EXOC6B: variants seen among roughly 807,000 people sequenced by gnomAD.
EXOC6B encodes SEC15 homolog B.
EXOC6B carries 54 observed loss-of-function variants against 113.5 expected under a neutral mutation model. The observed-to-expected ratio is 0.48, with a 90% CI of 0.38 to 0.60. The LOEUF (loss-of-function observed/expected upper bound fraction) is 0.60. Ranked by LOEUF, EXOC6B falls within the 20% of genes least tolerant of loss-of-function variation. EXOC6B has a pLI of 0.00. For synonymous variants in EXOC6B, 357 were observed against 339.0 expected, an observed-to-expected ratio of 1.05 and a Z score of -0.58; for missense variants, 797 against 977.5, an observed-to-expected ratio of 0.82 and a Z score of 2.46.
intron 18 of EXOC6B, among the ~76,000 whole-genome samples, chr2:72,442,269 T>A (rs968899934): frequency 2.0e-5 from 3 of 152,220 alleles, no homozygotes; most frequent in African/African-American, 7.2e-5. Context: ...ATAAGACCCA[T>A]GTACGACAAA....
intron 20 of EXOC6B, among the ~76,000 whole-genome samples, chr2:72,249,776 GA>G (rs1682892262): frequency 6.6e-6 from 1 of 152,070 alleles, no homozygotes; most frequent in African/African-American, 2.4e-5. Flanking sequence ...AATGGTACAG[GA>G]AAAAAATTAT....
At chr2:72,808,000 G>A (rs530502797) in intron 1 of EXOC6B, among the ~76,000 whole-genome samples, 5 of 152,258 alleles carry the variant, frequency 3.3e-5, no homozygotes, top group African/African-American at 1.2e-4. Flanking sequence ...TGAGGGGATG[G>A]ATACCCCATT....
At chr2:72,793,699 A>T (rs2105047546) in intron 1 of EXOC6B, among the ~76,000 whole-genome samples, 1 of 152,310 alleles carries the variant, frequency 6.6e-6, no homozygotes, top group Admixed American at 6.5e-5. Flanking sequence ...CGAGGTACAT[A>T]GGTGTAAGAG....
At chr2:72,539,272 G>T (rs1702463381) in intron 8 of EXOC6B, among the ~76,000 whole-genome samples, 1 of 152,174 alleles carries the variant, frequency 6.6e-6, no homozygotes, top group Non-Finnish European at 1.5e-5. Context: ...ACGATGACAA[G>T]ACCTTTGTGA....
chr2:72,513,210 G>C lies in EXOC6B; in HGVS notation c.1089C>G (p.Gly363=). The C allele has an allele frequency of 1.9e-6, 3 of 1,613,234 alleles. No homozygotes were observed. The highest frequency in any genetic ancestry group is 1.7e-6 in the Non-Finnish European group (2 of 1,179,376). ...CATCAATGTAGGCTCTATTTACTAA[G>C]CCCTGGGTTGTATGTAAAATGTGAT... The part of the protein sequence containing the change: ...VEDHILHTTQ[G]LVNRAYIDEL... The change falls in exon 11 of 22, where the codon GGC becomes GGG. Residue 363 remains glycine, a synonymous_variant. Coordinates refer to ENST00000272427, the MANE Select transcript of EXOC6B (RefSeq NM_015189.3).
intron 8 of EXOC6B, among the ~76,000 whole-genome samples, chr2:72,556,564 C>G (rs1052868380): frequency 2.0e-5 from 3 of 152,116 alleles, no homozygotes; most frequent in African/African-American, 4.8e-5. Flanking sequence ...CTTGATGGAG[C>G]TTCTGTTGAA....
chr2:72,555,041 T>G (rs891131630), intron 8 of EXOC6B, among the ~76,000 whole-genome samples: 1 of 152,222 alleles, frequency 6.6e-6, no homozygotes, highest in Admixed American at 6.5e-5. Flanking sequence ...TTGCTTAGAA[T>G]GACAGTTTCC....
intron 8 of EXOC6B, among the ~76,000 whole-genome samples, chr2:72,525,327 T>C (rs1024718283): frequency 3.0e-5 from 3 of 100,078 alleles, no homozygotes; most frequent in African/African-American, 7.4e-5. Flanking sequence ...CATTACCAAT[T>C]ACAACCAATA....
intron 1 of EXOC6B, among the ~76,000 whole-genome samples, chr2:72,783,273 T>C (rs555573730): frequency 6.6e-6 from 1 of 150,534 alleles, no homozygotes; most frequent in Non-Finnish European, 1.5e-5. Flanking sequence ...TGATTAGTGG[T>C]GTTGAGCATT....
chr2:72,782,528 G>A (rs1341129538), intron 1 of EXOC6B, among the ~76,000 whole-genome samples: 1 of 152,060 alleles, frequency 6.6e-6, no homozygotes, highest in African/African-American at 2.4e-5. Context: ...CCCATATGTT[G>A]GGAAAATTTC....
chr2:72,413,170 C>G (rs1392856815), intron 18 of EXOC6B, among the ~76,000 whole-genome samples: 2 of 151,590 alleles, frequency 1.3e-5, no homozygotes, highest in African/African-American at 2.4e-5. Context: ...ACCATGTTAG[C>G]CAGGATGGTC....
chr2:72,185,821 C>T (rs1678392023), intron 20 of EXOC6B, among the ~76,000 whole-genome samples: 1 of 151,072 alleles, frequency 6.6e-6, no homozygotes. Context: ...TATACATGTG[C>T]CATGTTGGTG....
intron 6 of EXOC6B, among the ~76,000 whole-genome samples, chr2:72,589,988 T>C (rs931796564): frequency 2.0e-5 from 3 of 151,972 alleles, no homozygotes; most frequent in African/African-American, 7.2e-5. Flanking sequence ...GGGAGAATGA[T>C]GAAGGAAGCC....
chr2:72,198,634 C>T (rs965386881), intron 20 of EXOC6B, among the ~76,000 whole-genome samples: 22 of 152,286 alleles, frequency 1.4e-4, no homozygotes, highest in African/African-American at 5.3e-4. Flanking sequence ...ATTTAAGTCT[C>T]TTTAACTCCA....
chr2:72,201,386 G>A (rs1412182712), intron 20 of EXOC6B, among the ~76,000 whole-genome samples: 1 of 152,050 alleles, frequency 6.6e-6, no homozygotes, highest in Non-Finnish European at 1.5e-5. Context: ...AGGTGAGTAT[G>A]GTGAGAAGGG....
In EXOC6B at chr2:72,741,383, AT is replaced by A. The variant is rs1681310840; in HGVS notation, c.199del (p.Met67CysfsTer13). On this transcript the variant is annotated frameshift_variant, in exon 2 of 22. Coordinates refer to ENST00000272427, the MANE Select transcript of EXOC6B (RefSeq NM_015189.3). LOFTEE classifies it high-confidence loss of function. ...AAAGCCCTGGTAATGAAAGTTGCAC[AT>A]TTTCTCAATTTCTCGGTCGTGATTA... is the stretch of plus-strand genomic sequence containing the variant. ...IRNHDREIEKMCNFHYQGFVD... is the reference protein window; with the variant it reads ...IRNHDREIEKXCNFHYQGFVD... The A allele has an allele frequency of 6.2e-7, 1 of 1,612,806 alleles. No individual in the cohort carries two copies. The highest frequency in any genetic ancestry group is 1.1e-5 in the South Asian group (1 of 90,986).
intron 20 of EXOC6B, among the ~76,000 whole-genome samples, chr2:72,211,042 C>T (rs535903253): frequency 4.2e-4 from 64 of 152,290 alleles, no homozygotes; most frequent in South Asian, 1.0e-3. Context: ...CTTTCTCCAG[C>T]TGGGGTTGAT....
intron 20 of EXOC6B, among the ~76,000 whole-genome samples, chr2:72,265,883 G>C (rs1467293586): frequency 1.3e-5 from 2 of 152,080 alleles, no homozygotes; most frequent in African/African-American, 4.8e-5. Flanking sequence ...GTGTAAAAGT[G>C]TTCCTATTTC....
At chr2:72,677,661 A>G (rs942196267) in intron 6 of EXOC6B, among the ~76,000 whole-genome samples, 1 of 152,228 alleles carries the variant, frequency 6.6e-6, no homozygotes, top group Non-Finnish European at 1.5e-5. Context: ...GAAAAAATGC[A>G]GTTTATTCAC....
Sources: allele counts gnomAD v4.1 joint callset (sites outside exome capture counted in the v4.1 genomes callset), GRCh38; gene constraint gnomAD v4.1.1; transcripts MANE v1.5; gene names NCBI Gene and HGNC (gene_info 2026-07-23, HGNC 2026-07-21).